TRHDE: variants seen among roughly 807,000 people sequenced by gnomAD.
TRHDE encodes the protein thyrotropin releasing hormone degrading enzyme.
Under a neutral mutation model 125.7 loss-of-function variants are expected in TRHDE, and 72 were observed. The observed-to-expected ratio is 0.57, with a 90% CI of 0.47 to 0.70. TRHDE has a LOEUF of 0.70. Ranked by LOEUF, TRHDE falls within the 30% of genes least tolerant of loss-of-function variation. The probability of loss-of-function intolerance (pLI) is 0.00; values close to 1 mark genes in which losing one functional copy is unlikely to be tolerated. For missense variants in TRHDE, 1,110 were observed against 1,327.1 expected, an observed-to-expected ratio of 0.84 and a Z score of 2.54; for synonymous variants, 509 against 509.1, an observed-to-expected ratio of 1.00 and a Z score of 0.00.
At chr12:72,522,678 CT>C (rs1309530784) in intron 6 of TRHDE, among the ~76,000 whole-genome samples, 2 of 152,158 alleles carry the variant, frequency 1.3e-5, no homozygotes, top group Non-Finnish European at 2.9e-5. Flanking sequence ...AGTCACATCT[CT>C]TCTGAAAAAT....
At chr12:72,490,728 G>T (rs1877631342) in intron 5 of TRHDE, among the ~76,000 whole-genome samples, 1 of 145,876 alleles carries the variant, frequency 6.9e-6, no homozygotes, top group Non-Finnish European at 1.5e-5. Flanking sequence ...GAACAATATT[G>T]CATGATTTCA....
intron 6 of TRHDE, among the ~76,000 whole-genome samples, chr12:72,505,603 T>A (rs1878324477): frequency 6.6e-6 from 1 of 152,200 alleles, no homozygotes; most frequent in Non-Finnish European, 1.5e-5. Flanking sequence ...GCAATTCTTA[T>A]GTCGTGGTTA....
At chr12:72,365,593 CA>C (rs1354322495) in intron 2 of TRHDE, among the ~76,000 whole-genome samples, 2 of 152,042 alleles carry the variant, frequency 1.3e-5, no homozygotes, top group Non-Finnish European at 2.9e-5. Context: ...GTGAGTGATA[CA>C]GGTGCACCAA....
chr12:72,145,492 A>T (rs1170424778), intron 2 of TRHDE, among the ~76,000 whole-genome samples: 1 of 152,224 alleles, frequency 6.6e-6, no homozygotes, highest in African/African-American at 2.4e-5. Flanking sequence ...GTTTTAATAT[A>T]CATCCTGAAT....
chr12:72,123,439 A>T (rs1048094289), intron 2 of TRHDE, among the ~76,000 whole-genome samples: 4 of 152,056 alleles, frequency 2.6e-5, no homozygotes, highest in Admixed American at 6.6e-5. Flanking sequence ...ATATTACAAA[A>T]CTCATAAAAT....
chr12:72,640,394 G>A (rs961654425), intron 15 of TRHDE, among the ~76,000 whole-genome samples: 23 of 152,200 alleles, frequency 1.5e-4, no homozygotes, highest in Admixed American at 1.1e-3. Context: ...ACTGACCTGC[G>A]CCCACTGTCT....
chr12:72,192,957 A>G (rs182603986), intron 2 of TRHDE, among the ~76,000 whole-genome samples: 50 of 152,232 alleles, frequency 3.3e-4, no homozygotes, highest in African/African-American at 1.1e-3. Context: ...TCATCATCGT[A>G]TCATTATCAA....
At chr12:72,202,549 G>T (rs1453764906) in intron 2 of TRHDE, among the ~76,000 whole-genome samples, 1 of 152,070 alleles carries the variant, frequency 6.6e-6, no homozygotes. Flanking sequence ...CTTCTAGTTC[G>T]ATATTTCTGC....
intron 5 of TRHDE, among the ~76,000 whole-genome samples, chr12:72,486,785 A>G (rs1459035002): frequency 6.6e-6 from 1 of 152,178 alleles, no homozygotes; most frequent in Non-Finnish European, 1.5e-5. Context: ...CAAAGGACAT[A>G]ATAATTCTTC....
Position 72,357,717 on chromosome 12 carries a change from T to C in TRHDE, c.1189-20278T>C, listed in dbSNP as rs560599882. Among the ~76,000 whole-genome samples the C allele has an allele frequency of 1.5e-4, 22 of 151,672 alleles. 1 individual carries two copies. In the South Asian group the frequency reaches 3.9e-3, roughly 27 times the overall value. On this transcript the variant is annotated intron_variant, in intron 2 of 18. Transcript: ENST00000261180. ...ATTCTTCTAAACAAGTAGATTATAGTAGCTCTTGTCAAAGGGGAAAAATGG... is the reference window on the plus strand; with the variant it reads ...ATTCTTCTAAACAAGTAGATTATAGCAGCTCTTGTCAAAGGGGAAAAATGG...
At chr12:72,521,192 T>G (rs1224768613) in intron 6 of TRHDE, among the ~76,000 whole-genome samples, 1 of 152,244 alleles carries the variant, frequency 6.6e-6, no homozygotes, top group Non-Finnish European at 1.5e-5. Flanking sequence ...TTTTTGGAAA[T>G]AACTTTCAGA....
intron 7 of TRHDE, among the ~76,000 whole-genome samples, chr12:72,553,684 A>G (rs1040429164): frequency 2.0e-5 from 3 of 151,960 alleles, no homozygotes; most frequent in Non-Finnish European, 4.4e-5. Context: ...CCAGAAGCCT[A>G]AAGGAAGCTT....
intron 2 of TRHDE, chr12:72,140,166 T>C (rs1876081538): frequency 6.6e-6 from 1 of 152,188 alleles, no homozygotes. Context: ...TCTGGCACCT[T>C]TTAAAGTCTG....
intron 3 of TRHDE, among the ~76,000 whole-genome samples, chr12:72,438,379 T>C (rs1874841103): frequency 6.6e-6 from 1 of 151,910 alleles, no homozygotes. Flanking sequence ...GCTGTACTAA[T>C]TTACATTCCT....
intron 1 of TRHDE, among the ~76,000 whole-genome samples, chr12:72,280,111 G>A (rs1259721807): frequency 2.6e-5 from 4 of 152,144 alleles, no homozygotes; most frequent in Non-Finnish European, 4.4e-5. Flanking sequence ...CTCCTATGCA[G>A]GGACTGTGGA....
At position 72,594,513 on chromosome 12, in the gene TRHDE, T is replaced by C. The variant is rs963433995; in HGVS notation, c.2321+18971T>C. Among the ~76,000 whole-genome samples the C allele has an allele frequency of 6.6e-5, 10 of 151,500 alleles. No individual in the cohort carries two copies. In the South Asian group the frequency reaches 2.1e-3, roughly 32 times the overall value. On this transcript the variant is annotated intron_variant, in intron 12 of 18. Coordinates refer to ENST00000261180, the MANE Select transcript of TRHDE (RefSeq NM_013381.3). ...GATTACAGATGTGAGTTTTTTTTTT[T>C]TTTTTAATATTACTAGGTATAAAGT...
chr12:72,484,324 C>A (rs1171256832), intron 5 of TRHDE, among the ~76,000 whole-genome samples: 1 of 152,122 alleles, frequency 6.6e-6, no homozygotes, highest in East Asian at 1.9e-4. Flanking sequence ...TTCTTACCAC[C>A]AAAGTAGGTA....
At chr12:72,406,526 G>C (rs1208498698) in intron 3 of TRHDE, among the ~76,000 whole-genome samples, 2 of 152,254 alleles carry the variant, frequency 1.3e-5, no homozygotes, top group East Asian at 3.9e-4. Flanking sequence ...GATCTTTTTG[G>C]TGAGGGTGAA....
intron 15 of TRHDE, among the ~76,000 whole-genome samples, chr12:72,630,468 C>G (rs980845162): frequency 6.6e-6 from 1 of 151,750 alleles, no homozygotes; most frequent in Admixed American, 6.6e-5. Flanking sequence ...AACTTCTGCT[C>G]TCAGACCAGC....
Sources: allele counts gnomAD v4.1 joint callset (sites outside exome capture counted in the v4.1 genomes callset), GRCh38; gene constraint gnomAD v4.1.1; transcripts MANE v1.5; gene names NCBI Gene and HGNC (gene_info 2026-07-23, HGNC 2026-07-21).